The following RERE variants were observed in gnomAD, a reference collection of about 807,000 sequenced individuals.
The protein encoded by RERE is arginine-glutamic acid dipeptide repeats protein.
RERE carries 40 observed loss-of-function variants against 146.1 expected under a neutral mutation model. The observed-to-expected ratio is 0.27, with a 90% CI of 0.21 to 0.36. The LOEUF (loss-of-function observed/expected upper bound fraction) is 0.36. Among genes scored for constraint, RERE ranks in the 10% least tolerant of loss-of-function variants. The pLI, the probability that RERE is intolerant of heterozygous loss-of-function variation, is 1.00. For missense variants in RERE, 1,933 were observed against 2,138.7 expected (o/e 0.90, Z 1.90); for synonymous variants, 1,003 against 866.0 (o/e 1.16, Z -2.78).
chr1:8,367,898 C>G (rs969532974), intron 12 of RERE, among the ~76,000 whole-genome samples: 1 of 152,164 alleles, frequency 6.6e-6, no homozygotes, highest in East Asian at 1.9e-4. Flanking sequence ...GGAAAAGATT[C>G]GTAAATCCCA....
intron 1 of RERE, chr1:8,703,274 G>A (rs926690331): frequency 2.7e-5 from 4 of 149,720 alleles, no homozygotes; most frequent in African/African-American, 9.8e-5. Flanking sequence ...CCGGGAGGCG[G>A]TGGCCGCGCG....
Position 8,352,991 on chromosome 1 carries a change from AAACCAG to A in RERE, c.*2090_*2095del, listed in dbSNP as rs1641155130. 6.6e-6 allele frequency: 1 copy of A among 152,506 alleles called. No individual in the cohort carries two copies. The highest frequency in any genetic ancestry group is 1.5e-5 in the Non-Finnish European group (1 of 68,048). The allele number at this position is 152,506 out of a possible 1,614,324, so 9.4% of individuals were successfully genotyped here. ...GTTGTGTTCTACCAAAAAGAAAGAA[AAACCAG>A]AAGCCGAGAAGGTGGGGGCCTGGAT... On this transcript the variant is annotated 3_prime_UTR_variant, in exon 23 of 23. Coordinates refer to ENST00000400908, the MANE Select transcript of RERE (RefSeq NM_001042681.2).
intron 6 of RERE, among the ~76,000 whole-genome samples, 162 bp downstream of exon 6, chr1:8,556,313 C>A (rs1248193598): frequency 1.3e-5 from 2 of 151,710 alleles, no homozygotes; most frequent in African/African-American, 2.4e-5. Context: ...CGGAGAACCT[C>A]TGCAATCTCA....
At chr1:8,691,433 G>C (rs1639204867) in intron 1 of RERE, among the ~76,000 whole-genome samples, 1 of 152,070 alleles carries the variant, frequency 6.6e-6, no homozygotes, top group Admixed American at 6.6e-5. Context: ...ACAAGTGTTC[G>C]CACAAGTCAA....
Position 8,423,753 on chromosome 1 carries a change from GC to G in RERE, c.1204-947del. 2.2e-6 allele frequency: 2 copies of G among 922,982 alleles called. No individual in the cohort carries two copies. Among genetic ancestry groups the G allele is most frequent in the South Asian group, 9.9e-5 (2 of 20,226 alleles). 57.2% of individuals were successfully genotyped at this position (922,982 alleles called of 1,614,324 possible). On this transcript the variant is annotated intron_variant, in intron 11 of 22. Coordinates refer to ENST00000400908, the MANE Select transcript of RERE (RefSeq NM_001042681.2). This position sits in a 1 kb window ranked among gnomAD's most constrained non-coding sequence, Gnocchi z 5.4. The stretch of plus-strand genomic sequence containing the variant: ...CGGCGCGGGGCCCGGGGGGCGCGGG[GC>G]TGGGGCCGCCGCTGACGGGGGAGGA...
intron 1 of RERE, among the ~76,000 whole-genome samples, chr1:8,801,292 G>A (rs1195627467): frequency 4.6e-5 from 7 of 151,126 alleles, no homozygotes; most frequent in South Asian, 2.1e-4. Context: ...TTTTTGAGAC[G>A]GAGTTTTGCT....
chr1:8,492,146 G>A (rs1644987319), intron 10 of RERE, among the ~76,000 whole-genome samples: 1 of 152,188 alleles, frequency 6.6e-6, no homozygotes, highest in Non-Finnish European at 1.5e-5. Flanking sequence ...CCTGAGCCAT[G>A]TCAGGCTAGT....
chr1:8,466,162 C>T (rs553631912), intron 10 of RERE, 139 bp from the exon 11 acceptor site: 14 of 686,324 alleles, frequency 2.0e-5, no homozygotes, highest in Admixed American at 5.9e-5. Flanking sequence ...TTTCAGTAGG[C>T]GCAGGAATTT....
intron 11 of RERE, among the ~76,000 whole-genome samples, chr1:8,453,245 C>T (rs976216301): frequency 6.6e-6 from 1 of 152,116 alleles, no homozygotes; most frequent in Non-Finnish European, 1.5e-5. Context: ...TAATTTTCTA[C>T]TTTTGTTATT....
rs146251498 is a variant in RERE, at chr1:8,778,899, T to C, written c.-145+38261A>G. ...GTCTTCCTCTGTCACCCAGGCTAGA[T>C]TGCAGTGGTACAGTCTTGGCTCACT... On this transcript the variant is annotated intron_variant, in intron 1 of 22. Transcript: ENST00000400908. Among the ~76,000 whole-genome samples the C allele has an allele frequency of 4.1e-3, 620 of 152,230 alleles. 5 individuals carry two copies. The highest frequency in any genetic ancestry group is 0.014 in the African/African-American group (589 of 41,550).
At position 8,358,776 on chromosome 1, in the gene RERE, A is replaced by T. The variant is rs1442291479; in HGVS notation, c.3759T>A (p.Leu1253=). 4 of 1,612,790 alleles carry T rather than the reference A, an allele frequency of 2.5e-6. No individual in the cohort carries two copies. The East Asian group carries it at 6.7e-5, about 27-fold the overall frequency. ...GCCGGGCGTACTCGCTCAGAGTCCG[A>T]AGGGCAGGTGTGTCGGGCCCGATGT... ...PPYIGPDTPA[L]RTLSEYARPH... Residue 1253 remains leucine (L), a synonymous_variant, in exon 20 of 23, where the codon CTT becomes CTA. Coordinates refer to ENST00000400908, the MANE Select transcript of RERE (RefSeq NM_001042681.2).
At chr1:8,622,384 G>C (rs1485903289) in intron 3 of RERE, among the ~76,000 whole-genome samples, 1 of 147,028 alleles carries the variant, frequency 6.8e-6, no homozygotes, top group Non-Finnish European at 1.5e-5. Flanking sequence ...CACACAAAAA[G>C]ACAATGGGCA....
At chr1:8,467,846 G>A (rs376735477) in intron 10 of RERE, among the ~76,000 whole-genome samples, 2 of 152,092 alleles carry the variant, frequency 1.3e-5, no homozygotes, top group East Asian at 3.9e-4. Flanking sequence ...GGGTTTCATC[G>A]TGTTAACCAG....
At chr1:8,653,586 T>C (rs926619495) in intron 2 of RERE, among the ~76,000 whole-genome samples, 1 of 144,422 alleles carries the variant, frequency 6.9e-6, no homozygotes, top group Non-Finnish European at 1.5e-5. Flanking sequence ...TCCCAGCTAC[T>C]GGGGAGGCTG....
Position 8,580,855 on chromosome 1 carries a change from A to T in RERE, c.523-23332T>A, listed in dbSNP as rs2124052924. Among the ~76,000 whole-genome samples the T allele has an allele frequency of 2.0e-5, 3 of 151,836 alleles. No homozygotes were observed. The Middle Eastern group carries it at 0.01, about 516-fold the overall frequency. On this transcript the variant is annotated intron_variant, in intron 4 of 22. Coordinates refer to ENST00000400908, the MANE Select transcript of RERE (RefSeq NM_001042681.2). ...AGTTGTGTGCCACCATGCTCAGCTA[A>T]TTTTTTTATTTTTGTTTTTGTAGAG...
intron 7 of RERE, among the ~76,000 whole-genome samples, chr1:8,530,522 A>G (rs937758339): frequency 6.6e-6 from 1 of 152,108 alleles, no homozygotes; most frequent in Admixed American, 6.5e-5. Context: ...GGGGAGGGGA[A>G]GCAACACTCA....
At chr1:8,632,246 C>T (rs1382807812) in intron 2 of RERE, among the ~76,000 whole-genome samples, 1 of 152,220 alleles carries the variant, frequency 6.6e-6, no homozygotes, top group Admixed American at 6.5e-5. Context: ...GAAAATTCTT[C>T]TCTCCCCGTA....
chr1:8,695,586 C>CT (rs1639309982), intron 1 of RERE, among the ~76,000 whole-genome samples: 3 of 49,470 alleles, frequency 6.1e-5, no homozygotes, highest in African/African-American at 8.9e-5. Context: ...TCCATTTCTA[C>CT]TAAAAAAAAA....
At chr1:8,780,050 G>A (rs1017838703) in intron 1 of RERE, among the ~76,000 whole-genome samples, 1 of 152,020 alleles carries the variant, frequency 6.6e-6, no homozygotes, top group Non-Finnish European at 1.5e-5. Flanking sequence ...AAATTAGTCA[G>A]GCATGGTGTT....
Sources: gnomAD v4.1 joint callset for allele counts (sites outside exome capture counted in the v4.1 genomes callset) on GRCh38, gnomAD v4.1.1 for gene constraint, Gnocchi (gnomAD v3.1) non-coding constraint, MANE v1.5 for transcripts, NCBI Gene and HGNC (gene_info 2026-07-23, HGNC 2026-07-21) for gene names.